Variants in NELL2 observed in about 807,000 individuals in gnomAD.
NELL2 encodes the protein protein kinase C-binding protein NELL2.
NELL2 carries 41 observed loss-of-function variants against 109.6 expected under a neutral mutation model. The observed-to-expected ratio is 0.37, with a 90% CI of 0.29 to 0.49. NELL2 has a LOEUF of 0.49. NELL2 is among the 20% of genes least tolerant of loss of function. The pLI is 0.98. For synonymous variants in NELL2, 355 were observed against 344.7 expected, an observed-to-expected ratio of 1.03 and a Z score of -0.33; for missense variants, 900 against 1,008.3, an observed-to-expected ratio of 0.89 and a Z score of 1.45.
At chr12:44,876,803 C>G, upstream of NELL2, 2 of 1,370,486 alleles carry the variant, frequency 1.5e-6, no homozygotes, top group Non-Finnish European at 1.9e-6. Flanking sequence ...AGGAAGGCCA[C>G]CAAAACACGC....
intron 15 of NELL2, among the ~76,000 whole-genome samples, chr12:44,606,159 C>T (rs547538930): frequency 6.6e-6 from 1 of 152,210 alleles, no homozygotes; most frequent in Admixed American, 6.5e-5. Flanking sequence ...AAGAGATGAT[C>T]TAGTGATGTA....
chr12:44,748,987 C>A (rs765497046), intron 9 of NELL2, among the ~76,000 whole-genome samples: 40 of 152,138 alleles, frequency 2.6e-4, no homozygotes, highest in Non-Finnish European at 3.7e-4. Context: ...GACTCTGATA[C>A]AGAGATCTCA....
chr12:44,727,787 A>G (rs73278140), intron 9 of NELL2, among the ~76,000 whole-genome samples: 11,420 of 152,128 alleles, frequency 0.075, 1,389 homozygotes, highest in African/African-American at 0.26. Context: ...AACACATTAT[A>G]TTAACTCTGT....
chr12:44,568,839 C>A (rs1036310758), intron 15 of NELL2, among the ~76,000 whole-genome samples: 17 of 151,776 alleles, frequency 1.1e-4, no homozygotes, highest in African/African-American at 3.6e-4. Context: ...AATTAGAAAG[C>A]AATATGTACA....
At position 44,695,176 on chromosome 12, in the gene NELL2, G is replaced by A. The variant is rs145074905; in HGVS notation, c.1318+8550C>T. On this transcript the variant is annotated intron_variant, in intron 12 of 19. Coordinates refer to ENST00000429094, the MANE Select transcript of NELL2 (RefSeq NM_001145108.2). ...GAGGGGAGGGAGGGAGGAAAGGAGA[G>A]AGGGAGGGAAAGAAGGAGAAAATGC... is the stretch of plus-strand genomic sequence containing the variant. Among the ~76,000 whole-genome samples the A allele has an allele frequency of 1.3e-4, 19 of 151,104 alleles. No homozygotes were observed. The East Asian group carries it at 3.7e-3, about 30-fold the overall frequency.
intron 15 of NELL2, among the ~76,000 whole-genome samples, chr12:44,574,336 G>A (rs1477330657): frequency 6.6e-6 from 1 of 152,032 alleles, no homozygotes; most frequent in East Asian, 1.9e-4. Context: ...TACAAAAAGA[G>A]TTGAAATTTT....
At chr12:44,566,823 T>A (rs1006153773) in intron 15 of NELL2, among the ~76,000 whole-genome samples, 1 of 144,022 alleles carries the variant, frequency 6.9e-6, no homozygotes, top group Non-Finnish European at 1.5e-5. Flanking sequence ...CTATATGCAT[T>A]TTTTTTTTTT....
At chr12:44,641,989 G>T (rs1282674709) in intron 13 of NELL2, among the ~76,000 whole-genome samples, 2 of 151,992 alleles carry the variant, frequency 1.3e-5, no homozygotes, top group African/African-American at 4.8e-5. Context: ...AAGCCAGCGC[G>T]CCCGGCCCAG....
At chr12:44,684,151 C>G (rs1948629064) in intron 12 of NELL2, among the ~76,000 whole-genome samples, 1 of 152,076 alleles carries the variant, frequency 6.6e-6, no homozygotes, top group South Asian at 2.1e-4. Context: ...TCTTGGGAGA[C>G]TGCATGTGTC....
intron 2 of NELL2, among the ~76,000 whole-genome samples, chr12:44,864,376 A>G (rs1944928585): frequency 6.6e-6 from 1 of 152,196 alleles, no homozygotes; most frequent in Non-Finnish European, 1.5e-5. Context: ...GAAGGAATAA[A>G]AAAAAATTCC....
chr12:44,819,911 G>A (rs931021656), intron 2 of NELL2, among the ~76,000 whole-genome samples: 4 of 152,042 alleles, frequency 2.6e-5, no homozygotes, highest in African/African-American at 9.7e-5. Flanking sequence ...GGGCTTGCAT[G>A]AGCCTCCCAC....
intron 9 of NELL2, among the ~76,000 whole-genome samples, chr12:44,773,337 G>A (rs745849825): frequency 1.3e-5 from 2 of 152,078 alleles, no homozygotes; most frequent in Admixed American, 1.3e-4. Context: ...TTAGCCCGGC[G>A]TAGTGGCAGG....
At chr12:44,661,637 T>C (rs1413030658) in intron 13 of NELL2, among the ~76,000 whole-genome samples, 1 of 151,772 alleles carries the variant, frequency 6.6e-6, no homozygotes, top group Non-Finnish European at 1.5e-5. Flanking sequence ...CAAGAAGAGA[T>C]TCCCAGTAAA....
chr12:44,776,746 T>G (rs2136590115), intron 7 of NELL2, among the ~76,000 whole-genome samples: 1 of 152,322 alleles, frequency 6.6e-6, no homozygotes. Context: ...TTGCTTGTAA[T>G]GAAAAACTGA....
intron 2 of NELL2, among the ~76,000 whole-genome samples, chr12:44,836,062 G>A (rs1566500269): frequency 1.3e-5 from 2 of 152,168 alleles, no homozygotes; most frequent in Non-Finnish European, 2.9e-5. Flanking sequence ...AGGTGGTTAG[G>A]AACAGATCAT....
At position 44,583,979 on chromosome 12, in the gene NELL2, G is replaced by A. The variant is rs532384276; in HGVS notation, c.1663+23190C>T. Among the ~76,000 whole-genome samples the A allele has an allele frequency of 7.9e-5, 12 of 152,226 alleles. No homozygotes were observed. The East Asian group carries it at 2.1e-3, about 27-fold the overall frequency. ...ATAGAGGTGGGTTTTCTGCCATGTT[G>A]CCCAGTCTGGCCTCGAACTCCTGAG... On this transcript the variant is annotated intron_variant, in intron 15 of 19. Transcript: ENST00000429094.
chr12:44,719,826 A>C (rs1019776981), intron 9 of NELL2, among the ~76,000 whole-genome samples: 1 of 152,162 alleles, frequency 6.6e-6, no homozygotes, highest in Non-Finnish European at 1.5e-5. Flanking sequence ...AGTGATATAC[A>C]AATCAAAGCT....
chr12:44,611,877 G>A (rs373583403), intron 13 of NELL2, among the ~76,000 whole-genome samples: 13 of 152,038 alleles, frequency 8.6e-5, no homozygotes, highest in Admixed American at 7.2e-4. Context: ...AAATACAGAT[G>A]AGGAGGAAAT....
chr12:44,888,195 G>C (rs942538763), intron 1 of NELL2, among the ~76,000 whole-genome samples: 4 of 152,002 alleles, frequency 2.6e-5, no homozygotes, highest in Non-Finnish European at 5.9e-5. Flanking sequence ...ATTGGTCTAT[G>C]TATCTGTTTT....
Sources: allele counts gnomAD v4.1 joint callset (sites outside exome capture counted in the v4.1 genomes callset), GRCh38; gene constraint gnomAD v4.1.1; transcripts MANE v1.5; gene names NCBI Gene and HGNC (gene_info 2026-07-23, HGNC 2026-07-21).